The following MACROD2 variants were observed in gnomAD, a reference collection of about 807,000 sequenced individuals.
The protein encoded by MACROD2 is ADP-ribose glycohydrolase MACROD2.
Under a neutral mutation model 70.4 loss-of-function variants are expected in MACROD2, and 36 were observed. That is an observed-to-expected ratio of 0.51 (90% CI 0.39 to 0.68). MACROD2 has a LOEUF of 0.68. MACROD2 is among the 30% of genes least tolerant of loss of function. The pLI is 0.00. For missense variants in MACROD2, 496 were observed against 538.4 expected (o/e 0.92, Z 0.78); for synonymous variants, 172 against 178.8 (o/e 0.96, Z 0.30).
intron 5 of MACROD2, among the ~76,000 whole-genome samples, chr20:15,002,075 G>T (rs78916596): frequency 6.6e-6 from 1 of 152,134 alleles, no homozygotes; most frequent in Non-Finnish European, 1.5e-5. Context: ...CTATAAACAT[G>T]CATGCACAAC....
intron 5 of MACROD2, among the ~76,000 whole-genome samples, chr20:14,984,545 GT>G (rs1170161617): frequency 6.6e-6 from 1 of 152,118 alleles, no homozygotes; most frequent in Non-Finnish European, 1.5e-5. Context: ...AAAAATAACA[GT>G]TTACATTACA....
chr20:14,086,184 T>C, intron 3 of MACROD2: 1 of 375,324 alleles, frequency 2.7e-6, no homozygotes. Flanking sequence ...AAAACTTAAG[T>C]TGTTAGGGTT....
chr20:15,695,743 T>C (rs2050359338), intron 8 of MACROD2, among the ~76,000 whole-genome samples: 1 of 152,096 alleles, frequency 6.6e-6, no homozygotes, highest in Non-Finnish European at 1.5e-5. Flanking sequence ...TTTGTAGTTT[T>C]CCTTGTAGAG....
At chr20:15,980,036 G>A (rs2147449020) in intron 13 of MACROD2, among the ~76,000 whole-genome samples, 1 of 152,300 alleles carries the variant, frequency 6.6e-6, no homozygotes, top group African/African-American at 2.4e-5. Flanking sequence ...TCACATGAAA[G>A]GGTCGTGATT....
chr20:14,723,523 G>A (rs78840651), intron 5 of MACROD2, among the ~76,000 whole-genome samples: 3,806 of 149,334 alleles, frequency 0.025, 172 homozygotes, highest in African/African-American at 0.089. Context: ...TTTCTTCTTT[G>A]AGGTGACTAA....
chr20:14,248,671 T>C (rs565722371), intron 3 of MACROD2, among the ~76,000 whole-genome samples: 2 of 151,874 alleles, frequency 1.3e-5, no homozygotes, highest in South Asian at 4.1e-4. Context: ...TAAATAGATT[T>C]TGGGTTTAGA....
At chr20:14,935,063 A>G (rs1200450004) in intron 5 of MACROD2, 1 of 152,098 alleles carries the variant, frequency 6.6e-6, no homozygotes, top group African/African-American at 2.4e-5. Context: ...AGGGTGAAAA[A>G]TGGGGATCGA....
intron 3 of MACROD2, among the ~76,000 whole-genome samples, chr20:14,134,214 T>C (rs1185458053): frequency 6.6e-6 from 1 of 152,192 alleles, no homozygotes; most frequent in Non-Finnish European, 1.5e-5. Context: ...TTTATGATCT[T>C]ATCTCAGTAG....
chr20:15,337,728 T>C (rs2078064309), intron 6 of MACROD2, among the ~76,000 whole-genome samples: 1 of 151,728 alleles, frequency 6.6e-6, no homozygotes. Context: ...AGTTCATGAA[T>C]TGGGAGACTT....
intron 5 of MACROD2, among the ~76,000 whole-genome samples, chr20:15,148,355 G>T (rs1003984817): frequency 4.6e-5 from 7 of 152,012 alleles, no homozygotes; most frequent in African/African-American, 1.7e-4. Flanking sequence ...GAGAAAAACA[G>T]GTATTAAAGG....
At chr20:14,909,580 A>G (rs1295792232) in intron 5 of MACROD2, among the ~76,000 whole-genome samples, 1 of 151,988 alleles carries the variant, frequency 6.6e-6, no homozygotes, top group Non-Finnish European at 1.5e-5. Flanking sequence ...AACCTATATA[A>G]GCCACCTGTA....
chr20:15,236,008 T>C (rs2077010746), intron 6 of MACROD2, among the ~76,000 whole-genome samples: 2 of 152,226 alleles, frequency 1.3e-5, no homozygotes, highest in African/African-American at 4.8e-5. Flanking sequence ...CTAACAGCTG[T>C]GTGACTAACA....
intron 13 of MACROD2, 50 bp downstream of exon 13, chr20:15,967,680 A>T: frequency 3.7e-6 from 3 of 814,928 alleles, no homozygotes; most frequent in Non-Finnish European, 5.2e-6. Flanking sequence ...GCTGGGAAAC[A>T]GAAAAAAAAA....
At chr20:14,511,566 T>A (rs908219266) in intron 4 of MACROD2, among the ~76,000 whole-genome samples, 2 of 148,626 alleles carry the variant, frequency 1.3e-5, no homozygotes, top group African/African-American at 4.9e-5. Flanking sequence ...CTAAAATATT[T>A]CTTTTCCATA....
At position 15,645,972 on chromosome 20, in the gene MACROD2, T is replaced by G. The variant is rs868284661; in HGVS notation, c.645+146125T>G. Among the ~76,000 whole-genome samples, 6 of 152,182 alleles carry G rather than the reference T, an allele frequency of 3.9e-5. No individual in the cohort carries two copies. The South Asian group carries it at 8.3e-4, about 21-fold the overall frequency. ...ATTATTTGCTGTTCACAAATCCATA[T>G]TATGCAAATATCAAAAGAATGACTG... On this transcript the variant is annotated intron_variant, in intron 8 of 17. Transcript: ENST00000684519.
chr20:15,388,108 C>A (rs936449622), intron 6 of MACROD2, among the ~76,000 whole-genome samples: 1 of 151,922 alleles, frequency 6.6e-6, no homozygotes, highest in African/African-American at 2.4e-5. Flanking sequence ...AGAAATAAGA[C>A]CTCAGTTGTA....
intron 8 of MACROD2, among the ~76,000 whole-genome samples, chr20:15,814,169 C>T (rs918634702): frequency 2.0e-5 from 3 of 152,116 alleles, no homozygotes; most frequent in African/African-American, 7.2e-5. Context: ...TTGCCCGTGC[C>T]CTGTTCACAT....
chr20:15,926,745 G>A lies in MACROD2; in HGVS notation c.776-6531G>A, dbSNP rs1242917270. Reference sequence around the variant, plus strand: ...GAGAGGAGACTCCAATGTGCTGGAGGAACAGCACAGAGGCCAGCATGGCTG... The same window carrying A: ...GAGAGGAGACTCCAATGTGCTGGAGAAACAGCACAGAGGCCAGCATGGCTG... On this transcript the variant is annotated intron_variant, in intron 10 of 17. Coordinates refer to ENST00000684519, the MANE Select transcript of MACROD2 (RefSeq NM_001351661.2). Among the ~76,000 whole-genome samples the A allele has an allele frequency of 2.0e-5, 3 of 152,292 alleles. No individual in the cohort carries two copies. The East Asian group carries it at 5.8e-4, about 30-fold the overall frequency.
At chr20:16,015,337 G>C (rs1480979413) in intron 15 of MACROD2, among the ~76,000 whole-genome samples, 2 of 151,750 alleles carry the variant, frequency 1.3e-5, no homozygotes, top group African/African-American at 4.8e-5. Flanking sequence ...TTCCATCTCT[G>C]TAGAAAATAA....
Sources: gnomAD v4.1 joint callset for allele counts (sites outside exome capture counted in the v4.1 genomes callset) on GRCh38, gnomAD v4.1.1 for gene constraint, MANE v1.5 for transcripts, NCBI Gene and HGNC (gene_info 2026-07-23, HGNC 2026-07-21) for gene names.